The following MYO18A variants were observed in gnomAD, a reference collection of about 807,000 sequenced individuals.
MYO18A encodes the protein unconventional myosin-XVIIIa.
A neutral mutation model predicts 235.8 loss-of-function variants in MYO18A; 78 were observed. The ratio of observed to expected loss-of-function variants is 0.33; its 90% CI spans 0.28 to 0.40. The LOEUF is 0.40. MYO18A is among the 10% of genes least tolerant of loss of function. The pLI is 1.00. For missense variants in MYO18A, 2,215 were observed against 2,699.3 expected (o/e 0.82, Z 3.98); for synonymous variants, 977 against 1,077.8 (o/e 0.91, Z 1.83).
intron 31 of MYO18A, among the ~76,000 whole-genome samples, chr17:29,093,716 C>CCAGTG (rs2066455798): frequency 6.6e-6 from 1 of 152,082 alleles, no homozygotes; most frequent in Non-Finnish European, 1.5e-5. Context: ...GCAGGCAGCA[C>CCAGTG]CAGTGCAGCG....
chr17:29,140,352 GC>G lies in MYO18A; in HGVS notation c.1000-18100del. On this transcript the variant is annotated intron_variant, in intron 2 of 41. Transcript: ENST00000527372. The surrounding 1 kb of genome is among the most constrained non-coding windows in gnomAD (Gnocchi z 4.2). ...GAGGGACACTCACCCGCATGGCCTG[GC>G]CTGGAGCAGCCCAGAGCAAGGAGAC... 3.1e-6 allele frequency: 4 copies of G among 1,280,598 alleles called. No homozygotes were observed. Among genetic ancestry groups the G allele is most frequent in the Non-Finnish European group, 4.1e-6 (4 of 984,866 alleles). 79.3% of individuals were successfully genotyped at this position (1,280,598 alleles called of 1,614,324 possible). A position where few individuals can be genotyped will look rare whatever the true frequency, so the allele number is the denominator to read the frequency against.
chr17:29,164,411 G>A (rs1456782304), intron 2 of MYO18A, among the ~76,000 whole-genome samples: 2 of 152,184 alleles, frequency 1.3e-5, no homozygotes, highest in African/African-American at 4.8e-5. Flanking sequence ...GTTAAAGGAA[G>A]GCCTGGAACC....
intron 7 of MYO18A, 107 bp from the exon 8 acceptor site, chr17:29,119,542 C>A (rs2067148594): frequency 1.1e-3 from 592 of 530,478 alleles, no homozygotes; most frequent in Non-Finnish European, 1.7e-3. Flanking sequence ...CCCTGGGGAA[C>A]AAGCAGCTGC....
intron 1 of MYO18A, among the ~76,000 whole-genome samples, chr17:29,171,297 C>T (rs1354036010): frequency 1.2e-4 from 18 of 151,980 alleles, no homozygotes; most frequent in Admixed American, 1.2e-3. Context: ...ATTAGCCGGG[C>T]GTGGCAGCAC....
In MYO18A at chr17:29,126,025, A is replaced by G. The variant is rs1166395291; in HGVS notation, c.1000-3772T>C. ...GAAATGGAGAGGCCACAGCATGCGG[A>G]GCTCCCAGCCCAGGAAGCCACTGGG... On this transcript the variant is annotated intron_variant, in intron 2 of 41. Transcript: ENST00000527372. This position sits in a 1 kb window ranked among gnomAD's most constrained non-coding sequence, Gnocchi z 4.1. 2.1e-6 allele frequency: 2 copies of G among 947,738 alleles called. No individual in the cohort carries two copies. Among genetic ancestry groups the G allele is most frequent in the Non-Finnish European group, 2.5e-6 (2 of 795,248 alleles). 58.7% of individuals were successfully genotyped at this position (947,738 alleles called of 1,614,324 possible).
Position 29,097,185 on chromosome 17 carries a change from C to T in MYO18A, c.4230+38G>A, listed in dbSNP as rs1461730539. ...CACAAGGCACCAGTCCTCTCCTGGC[C>T]CTCCCAGGCACAGGCCTCAGCTCCT... On this transcript the variant is annotated intron_variant, in intron 27 of 41. Transcript: ENST00000527372. 12 of 1,600,294 alleles carry T rather than the reference C, an allele frequency of 7.5e-6. No homozygotes were observed. The South Asian group carries it at 1.2e-4, about 16-fold the overall frequency.
At chr17:29,148,598 G>A (rs1287989207) in intron 2 of MYO18A, among the ~76,000 whole-genome samples, 1 of 152,016 alleles carries the variant, frequency 6.6e-6, no homozygotes, top group Non-Finnish European at 1.5e-5. Flanking sequence ...GTGTGTGTGT[G>A]TGTGTGTGTG....
intron 2 of MYO18A, among the ~76,000 whole-genome samples, chr17:29,136,328 A>C (rs2067603171): frequency 6.6e-6 from 1 of 150,888 alleles, no homozygotes. Flanking sequence ...AAATTAAAAA[A>C]AAAAAAGATC....
rs531004927 is a variant in MYO18A at position 29,120,091 on chromosome 17, C to T, written c.1728+525G>A. Among the ~76,000 whole-genome samples, 29 of 152,256 alleles carry T rather than the reference C, an allele frequency of 1.9e-4. 1 individual carries two copies. The highest frequency in any genetic ancestry group is 6.5e-4 in the African/African-American group (27 of 41,530). On this transcript the variant is annotated intron_variant, in intron 7 of 41. Transcript: ENST00000527372. This position sits in a 1 kb window ranked among gnomAD's most constrained non-coding sequence, Gnocchi z 4.2. ...CAAGGTGCTCAATCAGATACCAGAT[C>T]CCTCTAGGATCAAATGGGGGACAGA...
chr17:29,076,722 T>G (rs1452723556), intron 41 of MYO18A: 1 of 152,214 alleles, frequency 6.6e-6, no homozygotes, highest in East Asian at 1.9e-4. Context: ...GCTTTGGGGT[T>G]GTTTGAATTC....
intron 2 of MYO18A, among the ~76,000 whole-genome samples, chr17:29,123,233 G>A (rs2067242555): frequency 6.6e-6 from 1 of 152,200 alleles, no homozygotes; most frequent in South Asian, 2.1e-4. Flanking sequence ...GAGGGACCCA[G>A]GGCCCATCGG....
At chr17:29,127,870 G>A in intron 2 of MYO18A, 1 of 989,382 alleles carries the variant, frequency 1.0e-6, no homozygotes, top group Non-Finnish European at 1.2e-6. Flanking sequence ...TCACACCAGG[G>A]ACTGGTGACT....
In MYO18A at chr17:29,097,890, C is replaced by T. The variant is rs573836532; in HGVS notation, c.4000G>A (p.Asp1334Asn). 53 of 1,612,862 alleles carry T rather than the reference C, an allele frequency of 3.3e-5. No individual in the cohort carries two copies. Among genetic ancestry groups the T allele is most frequent in the African/African-American group, 1.3e-4 (10 of 75,040 alleles). The change falls in exon 26 of 42, where the codon GAT (aspartate) becomes AAT (asparagine). Residue 1334 changes from aspartate (D) to asparagine (N), a missense_variant. Asp to Asn is a conservative substitution (Grantham distance 23). Coordinates refer to ENST00000527372, the MANE Select transcript of MYO18A (RefSeq NM_078471.4). The stretch of plus-strand genomic sequence containing the variant: ...ACCTCCATCTGCTTCTTCAGTGCAT[C>T]GTACTGGGTCTGCAGAAGACAGGGT... ...KEMKELQTQY[D>N]ALKKQMEVME...
intron 19 of MYO18A, among the ~76,000 whole-genome samples, chr17:29,108,034 T>G (rs1192515475): frequency 6.6e-6 from 1 of 151,850 alleles, no homozygotes; most frequent in African/African-American, 2.4e-5. Context: ...TCACTCAACC[T>G]TTCTGAGCCT....
At chr17:29,103,555 G>T in intron 21 of MYO18A, 44 bp downstream of exon 21, 10 of 1,599,406 alleles carry the variant, frequency 6.3e-6, no homozygotes, top group South Asian at 1.1e-5. Context: ...CCTGACAGGG[G>T]CCCCTGGAGT....
In MYO18A at chr17:29,109,707, G is replaced by A; in HGVS notation, c.3331+151C>T. 1 of 985,786 alleles carries A rather than the reference G, an allele frequency of 1.0e-6. No homozygotes were observed. Among genetic ancestry groups the A allele is most frequent in the African/African-American group, 1.6e-5 (1 of 61,016 alleles). 61.1% of individuals were successfully genotyped at this position (985,786 alleles called of 1,614,324 possible). ...GAAATGGACAAAGGGGCTGTGGGCT[G>A]GGAGAGATGAGGAGAGACCAGAGCA... On this transcript the variant is annotated intron_variant, in intron 19 of 41. Coordinates refer to ENST00000527372, the MANE Select transcript of MYO18A (RefSeq NM_078471.4). The surrounding 1 kb of genome is among the most constrained non-coding windows in gnomAD (Gnocchi z 4.1).
At chr17:29,095,113 A>C in intron 28 of MYO18A, 54 bp from the exon 29 acceptor site, 1 of 1,482,038 alleles carries the variant, frequency 6.7e-7, no homozygotes. Context: ...GGTCCCCCAC[A>C]CAGACACTGT....
rs908832283 is a variant in MYO18A, at chr17:29,122,043, C to G, written c.1088-86G>C. The G allele has an allele frequency of 4.0e-5, 60 of 1,507,328 alleles. No homozygotes were observed. In the Middle Eastern group the frequency reaches 6.8e-4, roughly 17 times the overall value. 93.4% of individuals were successfully genotyped at this position (1,507,328 alleles called of 1,614,324 possible). On this transcript the variant is annotated intron_variant, in intron 3 of 41. Coordinates refer to ENST00000527372, the MANE Select transcript of MYO18A (RefSeq NM_078471.4). Reference sequence around the variant, plus strand: ...AACTTCTCGGTCCTATCCTCCCCCCCACTGCATCACCAGCCTCTCCTTGCT... The same window carrying G: ...AACTTCTCGGTCCTATCCTCCCCCCGACTGCATCACCAGCCTCTCCTTGCT...
chr17:29,098,833 T>C lies in MYO18A; in HGVS notation c.3773A>G (p.Asn1258Ser), dbSNP rs1568060222. 1 of 1,614,000 alleles carries C rather than the reference T, an allele frequency of 6.2e-7. No individual in the cohort carries two copies. The highest frequency in any genetic ancestry group is 8.5e-7 in the Non-Finnish European group (1 of 1,179,860). Residue 1258 changes from asparagine (N) to serine (S), a missense_variant, in exon 23 of 42, where the codon AAC becomes AGC. Transcript: ENST00000527372. ...TCTCAGGCTGTCACATACGTCTTTG[T>C]TCCGGATCTGCTCCTCTGACAGCTG... ...EVQLSEEQIR[N>S]KDEEIQQLRS...
Sources: allele counts gnomAD v4.1 joint callset (sites outside exome capture counted in the v4.1 genomes callset), GRCh38; gene constraint gnomAD v4.1.1; non-coding constraint Gnocchi (gnomAD v3.1); transcripts MANE v1.5; gene names NCBI Gene and HGNC (gene_info 2026-07-23, HGNC 2026-07-21).